The following TTC17 variants were observed in gnomAD, a reference collection of about 807,000 sequenced individuals.
The protein encoded by TTC17 is tetratricopeptide repeat domain 17, also known as tetratricopeptide repeat protein 17.
Under a neutral mutation model 143.8 loss-of-function variants are expected in TTC17, and 58 were observed. The ratio of observed to expected loss-of-function variants is 0.40; its 90% CI spans 0.33 to 0.50. The LOEUF (loss-of-function observed/expected upper bound fraction) is 0.50, where lower values mean the gene tolerates loss of function less well. TTC17 is among the 20% of genes least tolerant of loss of function. The pLI, the probability that TTC17 is intolerant of heterozygous loss-of-function variation, is 0.49. For missense variants in TTC17, 1,273 were observed against 1,392.5 expected (o/e 0.91, Z 1.37); for synonymous variants, 501 against 497.8 (o/e 1.01, Z -0.09).
intron 23 of TTC17, among the ~76,000 whole-genome samples, chr11:43,492,604 G>T (rs956628651): frequency 6.6e-6 from 1 of 152,114 alleles, no homozygotes; most frequent in African/African-American, 2.4e-5. Flanking sequence ...TTAAGTATTT[G>T]TCTTTCCCTC....
intron 16 of TTC17, among the ~76,000 whole-genome samples, chr11:43,441,359 C>T (rs1413853712): frequency 6.6e-6 from 1 of 151,536 alleles, no homozygotes; most frequent in Non-Finnish European, 1.5e-5. Flanking sequence ...AGGTAGTCCG[C>T]CTTTCTCTAA....
At position 43,450,083 on chromosome 11, in the gene TTC17, A is replaced by C; in HGVS notation, c.2788A>C (p.Ile930Leu). 6.2e-7 allele frequency: 1 copy of C among 1,611,460 alleles called. No homozygotes were observed. Among genetic ancestry groups the C allele is most frequent in the Non-Finnish European group, 8.5e-7 (1 of 1,179,090 alleles). Residue 930 changes from isoleucine (I) to leucine (L), a missense_variant and splice_region_variant, in exon 20 of 24, where the codon ATC (isoleucine) becomes CTC (leucine). Coordinates refer to ENST00000039989, the MANE Select transcript of TTC17 (RefSeq NM_018259.6). The stretch of plus-strand genomic sequence containing the variant: ...AATGTGGTAATCTCCATTTTTCAGC[A>C]TCACAGAACACATAGATTTTGCCAC... ...WLAVSSKNID[I>L]TEHIDFATPI...
At chr11:43,436,120 A>C in intron 16 of TTC17, 1 of 1,275,096 alleles carries the variant, frequency 7.8e-7, no homozygotes, top group Non-Finnish European at 9.9e-7. Context: ...GTACTACACG[A>C]GAGATATTTC....
At chr11:43,385,502 T>A (rs1032774703) in intron 2 of TTC17, 3 of 152,138 alleles carry the variant, frequency 2.0e-5, no homozygotes, top group African/African-American at 7.2e-5. Flanking sequence ...CACAAAACTT[T>A]AGACTATGGT....
At chr11:43,377,274 CAG>C (rs1229632904) in intron 1 of TTC17, among the ~76,000 whole-genome samples, 1 of 151,876 alleles carries the variant, frequency 6.6e-6, no homozygotes, top group Non-Finnish European at 1.5e-5. Flanking sequence ...GCCCAGGAGA[CAG>C]AGTAAGATTC....
chr11:43,438,624 C>A (rs1947345193), intron 16 of TTC17, among the ~76,000 whole-genome samples: 1 of 152,176 alleles, frequency 6.6e-6, no homozygotes, highest in Non-Finnish European at 1.5e-5. Context: ...ATTACTCATG[C>A]AAGACTTTCT....
chr11:43,457,108 G>C (rs1260193216), intron 21 of TTC17, among the ~76,000 whole-genome samples: 1 of 152,078 alleles, frequency 6.6e-6, no homozygotes, highest in African/African-American at 2.4e-5. Context: ...CTAGACACCT[G>C]AGGTCATTCC....
chr11:43,421,937 CAA>C lies in TTC17; in HGVS notation c.2251+7162_2251+7163del, dbSNP rs1189744384. 1.3e-4 allele frequency among the ~76,000 whole-genome samples: 19 copies of C among 145,074 alleles called. No individual in the cohort carries two copies. The East Asian group carries it at 3.2e-3, about 25-fold the overall frequency. ...CTGCTGACTTGGAAGATTTTGAACA[CAA>C]GAGTGAAATGAACTGATTTACATCT... On this transcript the variant is annotated intron_variant, in intron 16 of 23. Transcript: ENST00000039989.
At chr11:43,394,112 T>G (rs1857490952) in intron 5 of TTC17, among the ~76,000 whole-genome samples, 1 of 152,174 alleles carries the variant, frequency 6.6e-6, no homozygotes, top group Non-Finnish European at 1.5e-5. Context: ...TGATAACACT[T>G]GAACATATGA....
At position 43,484,548 on chromosome 11, in the gene TTC17, A is replaced by G. The variant is rs991721549; in HGVS notation, c.3031-5691A>G. 3.9e-5 allele frequency among the ~76,000 whole-genome samples: 6 copies of G among 152,206 alleles called. 1 individual carries two copies. The highest frequency in any genetic ancestry group is 1.3e-4 in the Admixed American group (2 of 15,282). On this transcript the variant is annotated intron_variant, in intron 21 of 23. Coordinates refer to ENST00000039989, the MANE Select transcript of TTC17 (RefSeq NM_018259.6). Reference sequence around the variant, plus strand: ...TTCCTCAATTTGATTTATAGAGTCAATGCTATTATAATCAAAGTACCAGCA... The same window carrying G: ...TTCCTCAATTTGATTTATAGAGTCAGTGCTATTATAATCAAAGTACCAGCA...
At chr11:43,405,197 A>G (rs1031987382) in intron 11 of TTC17, among the ~76,000 whole-genome samples, 7 of 150,700 alleles carry the variant, frequency 4.6e-5, no homozygotes, top group Non-Finnish European at 1.0e-4. Context: ...CTGGAACAAC[A>G]TGATTTTTTG....
At position 43,397,498 on chromosome 11, in the gene TTC17, A is replaced by G; in HGVS notation, c.918+7A>G. On this transcript the variant is annotated splice_region_variant and intron_variant, in intron 7 of 23. Coordinates refer to ENST00000039989, the MANE Select transcript of TTC17 (RefSeq NM_018259.6). ...TTTGGGGAATATATATGCAGTAAGT[A>G]CTACTCTTTGTTTCATGAGTCATGC... is the stretch of plus-strand genomic sequence containing the variant. 6.3e-7 allele frequency: 1 copy of G among 1,591,106 alleles called. No individual in the cohort carries two copies. Among genetic ancestry groups the G allele is most frequent in the Non-Finnish European group, 8.6e-7 (1 of 1,169,332 alleles).
chr11:43,443,263 C>T, intron 16 of TTC17, 62 bp from the exon 17 acceptor site: 1 of 1,572,988 alleles, frequency 6.4e-7, no homozygotes, highest in Non-Finnish European at 8.6e-7. Flanking sequence ...GGGTTGGAGT[C>T]ACCCAAGGTC....
intron 2 of TTC17, 103 bp from the exon 3 acceptor site, chr11:43,389,549 T>G (rs913566207): frequency 2.5e-6 from 3 of 1,188,716 alleles, no homozygotes; most frequent in Non-Finnish European, 3.5e-6. Flanking sequence ...TCTTCCTACA[T>G]AGAGGATTCT....
At position 43,479,092 on chromosome 11, in the gene TTC17, T is replaced by G. The variant is rs182077835; in HGVS notation, c.3031-11147T>G. ...TGTCTCTACTAAGAATACAAAAAAT[T>G]AGCAAGGTGTGATGGCTCACACCTG... On this transcript the variant is annotated intron_variant, in intron 21 of 23. Transcript: ENST00000039989. Among the ~76,000 whole-genome samples the G allele has an allele frequency of 4.7e-3, 722 of 152,032 alleles. 5 individuals carry two copies. Among genetic ancestry groups the G allele is most frequent in the African/African-American group, 0.017 (696 of 41,498 alleles).
intron 13 of TTC17, among the ~76,000 whole-genome samples, chr11:43,406,577 T>A (rs1858146671): frequency 1.3e-5 from 2 of 151,464 alleles, no homozygotes; most frequent in African/African-American, 4.8e-5. Flanking sequence ...TTTTTTTTTT[T>A]AAGTTAATTT....
chr11:43,461,259 C>T (rs957199868), intron 21 of TTC17, among the ~76,000 whole-genome samples: 29 of 151,896 alleles, frequency 1.9e-4, no homozygotes, highest in African/African-American at 6.7e-4. Context: ...TGGCGGGCGC[C>T]TGTAGTCCCG....
rs1490363995 is a variant in TTC17, at chr11:43,405,649, G to T, written c.1595+20G>T. The stretch of plus-strand genomic sequence containing the variant: ...ACTCAGGCAAGTGGTGATGGATTTG[G>T]CAAAGCACCTGATTCTGCATGATTG... On this transcript the variant is annotated intron_variant, in intron 12 of 23. Transcript: ENST00000039989. 11 of 1,612,602 alleles carry T rather than the reference G, an allele frequency of 6.8e-6. No homozygotes were observed. Among genetic ancestry groups the T allele is most frequent in the Non-Finnish European group, 9.3e-6 (11 of 1,178,792 alleles).
chr11:43,449,597 C>T (rs1947617394), intron 19 of TTC17: 1 of 152,456 alleles, frequency 6.6e-6, no homozygotes, highest in Non-Finnish European at 1.5e-5. Context: ...ATGTAATAGG[C>T]TCTAAATAAA....
Sources: allele counts gnomAD v4.1 joint callset (sites outside exome capture counted in the v4.1 genomes callset), GRCh38; gene constraint gnomAD v4.1.1; transcripts MANE v1.5; gene names NCBI Gene and HGNC (gene_info 2026-07-23, HGNC 2026-07-21).